The following ARHGAP29 variants were observed in gnomAD, a reference collection of about 807,000 sequenced individuals.
ARHGAP29 encodes the protein rho GTPase-activating protein 29.
Under a neutral mutation model 122.6 loss-of-function variants are expected in ARHGAP29, and 43 were observed. That is an observed-to-expected ratio of 0.35 (90% CI 0.27 to 0.45). The LOEUF is 0.45. Among genes scored for constraint, ARHGAP29 ranks in the 20% least tolerant of loss-of-function variants. The pLI, the probability that ARHGAP29 is intolerant of heterozygous loss-of-function variation, is 1.00. For missense variants in ARHGAP29, 1,303 were observed against 1,477.2 expected, an observed-to-expected ratio of 0.88 and a Z score of 1.93; for synonymous variants, 506 against 497.1, an observed-to-expected ratio of 1.02 and a Z score of -0.24.
At chr1:94,276,570 C>T (rs1439167156), upstream of ARHGAP29, among the ~76,000 whole-genome samples, 1 of 151,500 alleles carries the variant, frequency 6.6e-6, no homozygotes, top group East Asian at 1.9e-4. Flanking sequence ...CACTTTAGCC[C>T]AGGAGTTTGA....
At chr1:94,294,266 G>GCACA in the ARHGAP29 span, among the ~76,000 whole-genome samples, 9 of 150,022 alleles carry the variant, frequency 6.0e-5, no homozygotes, top group African/African-American at 1.7e-4. Flanking sequence ...ACATACATGT[G>GCACA]CACACACACA....
chr1:94,271,165 C>CT (rs1654978190), intron 1 of ARHGAP29, among the ~76,000 whole-genome samples: 1 of 152,242 alleles, frequency 6.6e-6, no homozygotes, highest in Admixed American at 6.5e-5. Flanking sequence ...TGGTTCCTTG[C>CT]TGTCTGTTGG....
At chr1:94,206,388 T>C (rs1281463377) in intron 5 of ARHGAP29, among the ~76,000 whole-genome samples, 1 of 152,222 alleles carries the variant, frequency 6.6e-6, no homozygotes, top group Non-Finnish European at 1.5e-5. Flanking sequence ...ATACAGGGTA[T>C]ACAGGGATTC....
the ARHGAP29 span, among the ~76,000 whole-genome samples, chr1:94,313,689 C>T: frequency 2.6e-5 from 4 of 152,120 alleles, no homozygotes; most frequent in Admixed American, 6.5e-5. Flanking sequence ...ATGTTTATTG[C>T]GGCACTATTC....
chr1:94,193,396 T>C (rs1219145622), intron 12 of ARHGAP29: 1 of 147,786 alleles, frequency 6.8e-6, no homozygotes, highest in African/African-American at 2.5e-5. Flanking sequence ...GAAGAAACAA[T>C]AGTTGAAAAC....
chr1:94,176,299 T>C (rs774046404), intron 22 of ARHGAP29, among the ~76,000 whole-genome samples: 6 of 152,180 alleles, frequency 3.9e-5, no homozygotes, highest in Non-Finnish European at 5.9e-5. Flanking sequence ...AATGATCTAC[T>C]AGGAAAAGTG....
the ARHGAP29 span, among the ~76,000 whole-genome samples, chr1:94,287,500 T>C: frequency 1.6e-4 from 24 of 150,480 alleles, no homozygotes; most frequent in African/African-American, 5.8e-4. Context: ...TCTTTTACTA[T>C]TATTATTATT....
chr1:94,296,198 G>A, the ARHGAP29 span, among the ~76,000 whole-genome samples: 2 of 151,994 alleles, frequency 1.3e-5, no homozygotes, highest in Non-Finnish European at 2.9e-5. Context: ...TGCTCCATCC[G>A]GCCTGGGACG....
chr1:94,176,536 A>G (rs1649103375), intron 22 of ARHGAP29: 1 of 152,220 alleles, frequency 6.6e-6, no homozygotes, highest in South Asian at 2.1e-4. Flanking sequence ...TATTATGAAG[A>G]TCAAATAGAA....
intron 15 of ARHGAP29, among the ~76,000 whole-genome samples, chr1:94,187,784 T>C (rs1649895554): frequency 6.6e-6 from 1 of 152,150 alleles, no homozygotes; most frequent in South Asian, 2.1e-4. Flanking sequence ...ACCAGTTTGT[T>C]GTTACAAAGC....
chr1:94,225,348 G>A (rs1472701772), intron 2 of ARHGAP29, among the ~76,000 whole-genome samples: 1 of 151,954 alleles, frequency 6.6e-6, no homozygotes, highest in Admixed American at 6.6e-5. Flanking sequence ...AAACACAATT[G>A]ATAATACCTG....
intron 5 of ARHGAP29, 99 bp from the exon 6 acceptor site, chr1:94,205,782 G>A: frequency 9.9e-7 from 1 of 1,009,258 alleles, no homozygotes; most frequent in East Asian, 2.4e-5. Flanking sequence ...CATAATTCCT[G>A]CTAAAGAATT....
the ARHGAP29 span, among the ~76,000 whole-genome samples, chr1:94,287,525 T>G: frequency 2.6e-5 from 4 of 152,092 alleles, no homozygotes; most frequent in Admixed American, 6.6e-5. Context: ...TTATTATACT[T>G]TAAGTTCTAG....
chr1:94,217,627 CAGG>C (rs1183719165), intron 3 of ARHGAP29, among the ~76,000 whole-genome samples: 1 of 151,884 alleles, frequency 6.6e-6, no homozygotes, highest in Admixed American at 6.6e-5. Flanking sequence ...TGCTTGAGGC[CAGG>C]AGTTCAGGAT....
chr1:94,182,707 C>A (rs765593951), intron 19 of ARHGAP29, among the ~76,000 whole-genome samples: 14 of 152,050 alleles, frequency 9.2e-5, no homozygotes, highest in Non-Finnish European at 1.8e-4. Context: ...ATGACATTTC[C>A]ATTCAAGAGA....
At chr1:94,257,005 ATAAT>A (rs896713505) in intron 1 of ARHGAP29, among the ~76,000 whole-genome samples, 1 of 151,698 alleles carries the variant, frequency 6.6e-6, no homozygotes, top group African/African-American at 2.4e-5. Flanking sequence ...TTTTTAAAAC[ATAAT>A]TCATTCATTG....
At chr1:94,226,679 G>A (rs1652631643) in intron 2 of ARHGAP29, among the ~76,000 whole-genome samples, 1 of 151,642 alleles carries the variant, frequency 6.6e-6, no homozygotes, top group Non-Finnish European at 1.5e-5. Context: ...ACGCAGAAGA[G>A]GAATCTAATA....
At chr1:94,295,789 A>G in the ARHGAP29 span, among the ~76,000 whole-genome samples, 1 of 151,210 alleles carries the variant, frequency 6.6e-6, no homozygotes, top group Admixed American at 6.7e-5. Context: ...GGAATCTTCT[A>G]ATTCCACATT....
At chr1:94,282,252 G>T in the ARHGAP29 span, among the ~76,000 whole-genome samples, 1 of 142,454 alleles carries the variant, frequency 7.0e-6, no homozygotes, top group African/African-American at 2.6e-5. Flanking sequence ...TCAAGTGATA[G>T]TGCTTTATTT....
Sources: allele counts gnomAD v4.1 joint callset (sites outside exome capture counted in the v4.1 genomes callset), GRCh38; gene constraint gnomAD v4.1.1; transcripts MANE v1.5; gene names NCBI Gene and HGNC (gene_info 2026-07-23, HGNC 2026-07-21).